Variants in DYM observed in about 807,000 individuals in gnomAD.
DYM encodes dymeclin, also known as dyggve-Melchior-Clausen syndrome protein.
DYM carries 78 observed loss-of-function variants against 93.1 expected under a neutral mutation model. The observed-to-expected ratio is 0.84, with a 90% confidence interval of 0.70 to 1.01. The LOEUF (loss-of-function observed/expected upper bound fraction) is 1.01, where lower values mean the gene tolerates loss of function less well. Among genes scored for constraint, DYM ranks in the 50% least tolerant of loss-of-function variants. The probability of loss-of-function intolerance (pLI) is 0.00; values close to 1 mark genes in which losing one functional copy is unlikely to be tolerated. For synonymous variants in DYM, 321 were observed against 319.7 expected (o/e 1.00, Z -0.04); for missense variants, 789 against 845.0 (o/e 0.93, Z 0.82).
intron 3 of DYM, among the ~76,000 whole-genome samples, chr18:49,383,440 T>A (rs1599809888): frequency 6.6e-6 from 1 of 152,296 alleles, no homozygotes; most frequent in South Asian, 2.1e-4. Flanking sequence ...GTGAGGATAA[T>A]GAAGGTCCCA....
At chr18:49,262,594 T>A (rs1240677133) in intron 11 of DYM, among the ~76,000 whole-genome samples, 1 of 152,244 alleles carries the variant, frequency 6.6e-6, no homozygotes, top group Non-Finnish European at 1.5e-5. Flanking sequence ...TCACCAGGTA[T>A]GCCTGTCTGA....
chr18:49,380,386 C>T (rs1361252833), intron 3 of DYM, among the ~76,000 whole-genome samples: 1 of 152,176 alleles, frequency 6.6e-6, no homozygotes, highest in Non-Finnish European at 1.5e-5. Flanking sequence ...AATCACTGTA[C>T]TTCTCCAACC....
rs2082978946 is a variant in DYM at position 49,127,942 on chromosome 18, A to T, written c.1729-9016T>A. Among the ~76,000 whole-genome samples, 2 of 152,168 alleles carry T rather than the reference A, an allele frequency of 1.3e-5. 1 individual carries two copies. Among genetic ancestry groups the T allele is most frequent in the African/African-American group, 4.8e-5 (2 of 41,442 alleles). On this transcript the variant is annotated intron_variant, in intron 15 of 17. Transcript: ENST00000675505. ...ACCGCACCACTGGTCTCATGCGGGGATGTAAAACCATGTGGTCTTTTTCTA... is the reference window on the plus strand; with the variant it reads ...ACCGCACCACTGGTCTCATGCGGGGTTGTAAAACCATGTGGTCTTTTTCTA...
chr18:49,101,741 T>C (rs2080164755), intron 16 of DYM, among the ~76,000 whole-genome samples: 1 of 152,190 alleles, frequency 6.6e-6, no homozygotes, highest in South Asian at 2.1e-4. Flanking sequence ...AGTTACTGTA[T>C]TTTAATCAAT....
chr18:49,436,633 T>G (rs2080887267), intron 1 of DYM, among the ~76,000 whole-genome samples: 2 of 152,228 alleles, frequency 1.3e-5, no homozygotes, highest in South Asian at 4.1e-4. Flanking sequence ...GGACTCATGC[T>G]AATTAGCAGT....
chr18:49,307,604 TA>T (rs2061345212), intron 8 of DYM, among the ~76,000 whole-genome samples: 1 of 152,082 alleles, frequency 6.6e-6, no homozygotes, highest in Admixed American at 6.5e-5. Context: ...CTCATCTGAG[TA>T]AAACCTTTGC....
intron 2 of DYM, among the ~76,000 whole-genome samples, chr18:49,421,610 C>A (rs534060047): frequency 1.3e-5 from 2 of 152,338 alleles, no homozygotes; most frequent in African/African-American, 4.8e-5. Flanking sequence ...CAAAGGAACG[C>A]AGCTCCTCGC....
intron 17 of DYM, among the ~76,000 whole-genome samples, chr18:49,084,087 G>A (rs566115728): frequency 6.6e-6 from 1 of 152,058 alleles, no homozygotes; most frequent in Non-Finnish European, 1.5e-5. Flanking sequence ...ATTATCTGAT[G>A]TTTTCTTTTA....
intron 6 of DYM, among the ~76,000 whole-genome samples, chr18:49,360,731 T>C (rs1285353345): frequency 6.6e-6 from 1 of 152,196 alleles, no homozygotes; most frequent in Non-Finnish European, 1.5e-5. Flanking sequence ...TATATGTGTT[T>C]CCCTTCCCTG....
At chr18:49,275,148 T>C (rs1259308847) in intron 10 of DYM, among the ~76,000 whole-genome samples, 2 of 152,166 alleles carry the variant, frequency 1.3e-5, no homozygotes, top group South Asian at 2.1e-4. Context: ...TAACTTTGTA[T>C]ATGGGGTGAA....
At chr18:49,085,147 A>C (rs2078397102) in intron 17 of DYM, among the ~76,000 whole-genome samples, 1 of 152,160 alleles carries the variant, frequency 6.6e-6, no homozygotes, top group Non-Finnish European at 1.5e-5. Context: ...ATGACCAAAA[A>C]CAGGGATTAC....
chr18:49,265,596 T>C (rs1014842105), intron 11 of DYM, among the ~76,000 whole-genome samples: 2 of 151,876 alleles, frequency 1.3e-5, no homozygotes, highest in South Asian at 2.1e-4. Flanking sequence ...CTGACCAACA[T>C]GGAGAAACCC....
chr18:49,267,762 G>A (rs2094595270), intron 11 of DYM, among the ~76,000 whole-genome samples: 1 of 152,154 alleles, frequency 6.6e-6, no homozygotes, highest in Non-Finnish European at 1.5e-5. Context: ...GCCAGGCCTG[G>A]TGGCGTGTGC....
chr18:49,299,891 A>G (rs569080484), intron 8 of DYM, among the ~76,000 whole-genome samples: 10 of 151,550 alleles, frequency 6.6e-5, no homozygotes, highest in Admixed American at 4.6e-4. Context: ...AAAATACAAA[A>G]AATTAGCTGG....
chr18:49,327,004 TG>T, intron 8 of DYM, among the ~76,000 whole-genome samples: 2 of 124,522 alleles, frequency 1.6e-5, no homozygotes, highest in African/African-American at 6.9e-5. Flanking sequence ...TGTGTGTGTG[TG>T]TGTGTGTGTG....
chr18:49,048,788 T>C (rs1415190448), intron 17 of DYM, among the ~76,000 whole-genome samples: 1 of 152,206 alleles, frequency 6.6e-6, no homozygotes, highest in Non-Finnish European at 1.5e-5. Context: ...AAAGAGGATC[T>C]GGAAAAAATA....
chr18:49,454,545 C>A (rs2082803559), intron 1 of DYM, among the ~76,000 whole-genome samples: 1 of 152,094 alleles, frequency 6.6e-6, no homozygotes, highest in African/African-American at 2.4e-5. Flanking sequence ...CTGTAGACGT[C>A]ATGCATGATC....
chr18:49,364,899 T>A (rs1367412950), intron 5 of DYM, among the ~76,000 whole-genome samples: 1 of 152,158 alleles, frequency 6.6e-6, no homozygotes, highest in African/African-American at 2.4e-5. Flanking sequence ...TGAAACCCAC[T>A]CCCTTGTCTC....
intron 14 of DYM, among the ~76,000 whole-genome samples, chr18:49,177,360 G>A (rs894405844): frequency 1.3e-5 from 2 of 152,132 alleles, no homozygotes; most frequent in African/African-American, 2.4e-5. Flanking sequence ...TAACTTTGGG[G>A]AAATGCTGCA....
Sources: gnomAD v4.1 joint callset for allele counts (sites outside exome capture counted in the v4.1 genomes callset) on GRCh38, gnomAD v4.1.1 for gene constraint, MANE v1.5 for transcripts, NCBI Gene and HGNC (gene_info 2026-07-23, HGNC 2026-07-21) for gene names.